Variants in TAFA5 observed in about 807,000 individuals in gnomAD.
The protein encoded by TAFA5 is chemokine-like protein TAFA-5.
Under a neutral mutation model 15.3 loss-of-function variants are expected in TAFA5, and 6 were observed. The ratio of observed to expected loss-of-function variants is 0.39; its 90% confidence interval spans 0.21 to 0.77. TAFA5 has a LOEUF of 0.77. Ranked by LOEUF, TAFA5 falls within the 30% of genes least tolerant of loss-of-function variation. TAFA5 has a pLI of 0.41. For synonymous variants in TAFA5, 103 were observed against 80.7 expected (o/e 1.28, Z -1.48); for missense variants, 161 against 193.1 (o/e 0.83, Z 0.98).
At chr22:48,741,536 C>T (rs1470937384) in intron 3 of TAFA5, among the ~76,000 whole-genome samples, 1 of 152,206 alleles carries the variant, frequency 6.6e-6, no homozygotes, top group Non-Finnish European at 1.5e-5. Flanking sequence ...TAAGCACTGA[C>T]CCCCAGTCTG....
At chr22:48,561,918 C>A (rs551936490) in intron 1 of TAFA5, among the ~76,000 whole-genome samples, 1 of 152,182 alleles carries the variant, frequency 6.6e-6, no homozygotes, top group Non-Finnish European at 1.5e-5. Context: ...GGACTGGGAC[C>A]GTGGGCGGTG....
chr22:48,709,230 G>A (rs1929176982), intron 3 of TAFA5, among the ~76,000 whole-genome samples: 1 of 152,194 alleles, frequency 6.6e-6, no homozygotes, highest in Admixed American at 6.5e-5. Flanking sequence ...AGGAGATGAG[G>A]GACGTGGGTT....
chr22:48,694,787 C>G (rs1187411259), intron 2 of TAFA5, among the ~76,000 whole-genome samples: 2 of 127,566 alleles, frequency 1.6e-5, no homozygotes, highest in South Asian at 3.4e-4. Context: ...TCCCCCACCC[C>G]CCACCGCTCC....
intron 1 of TAFA5, among the ~76,000 whole-genome samples, chr22:48,622,059 G>A (rs549010190): frequency 1.3e-5 from 2 of 152,194 alleles, no homozygotes; most frequent in South Asian, 4.2e-4. Flanking sequence ...ACTTCTCACG[G>A]CAGTGCAACC....
chr22:48,534,572 C>T (rs1922085956), intron 1 of TAFA5, among the ~76,000 whole-genome samples: 1 of 152,170 alleles, frequency 6.6e-6, no homozygotes, highest in Non-Finnish European at 1.5e-5. Flanking sequence ...GCCCACAGGG[C>T]CCTGGAATGT....
intron 1 of TAFA5, among the ~76,000 whole-genome samples, chr22:48,595,281 C>T (rs1288325975): frequency 6.6e-6 from 1 of 152,248 alleles, no homozygotes; most frequent in African/African-American, 2.4e-5. Flanking sequence ...CAACCTCAAA[C>T]TTCAGGGAGA....
chr22:48,496,205 T>C (rs1215644171), intron 1 of TAFA5, among the ~76,000 whole-genome samples: 2 of 152,114 alleles, frequency 1.3e-5, no homozygotes, highest in African/African-American at 4.8e-5. Flanking sequence ...ACTGTCGGGG[T>C]CACTTTCTTC....
At chr22:48,650,154 A>C (rs1927001865) in intron 2 of TAFA5, among the ~76,000 whole-genome samples, 1 of 152,132 alleles carries the variant, frequency 6.6e-6, no homozygotes, top group Admixed American at 6.5e-5. Context: ...TGAAGAGAAA[A>C]CTTGTGCTGT....
chr22:48,584,001 TATAACACACCAC>T (rs1569035332), intron 1 of TAFA5, among the ~76,000 whole-genome samples: 1 of 107,162 alleles, frequency 9.3e-6, no homozygotes, highest in Non-Finnish European at 1.9e-5. Context: ...TACCCACACA[TATAACACACCAC>T]ACACCACACG....
chr22:48,719,578 C>T (rs1023419594), intron 3 of TAFA5, among the ~76,000 whole-genome samples: 2 of 83,232 alleles, frequency 2.4e-5, no homozygotes, highest in Admixed American at 3.1e-4. Flanking sequence ...TCAGGACTGC[C>T]CCCCCTGCAT....
At chr22:48,606,816 C>T (rs529580175) in intron 1 of TAFA5, among the ~76,000 whole-genome samples, 20 of 152,294 alleles carry the variant, frequency 1.3e-4, no homozygotes, top group African/African-American at 4.6e-4. Context: ...GGGCCTAGGG[C>T]GCTCTGATGA....
At chr22:48,582,055 G>A (rs924077494) in intron 1 of TAFA5, among the ~76,000 whole-genome samples, 20 of 152,140 alleles carry the variant, frequency 1.3e-4, no homozygotes, top group African/African-American at 3.6e-4. Context: ...CATGGGACCC[G>A]GTAGCCTTTG....
chr22:48,744,460 C>T (rs1335981763), intron 3 of TAFA5, among the ~76,000 whole-genome samples: 1 of 152,136 alleles, frequency 6.6e-6, no homozygotes, highest in African/African-American at 2.4e-5. Flanking sequence ...ACCTGGTGGC[C>T]CTCCCCAGGC....
intron 1 of TAFA5, among the ~76,000 whole-genome samples, chr22:48,619,442 G>T (rs558282468): frequency 6.6e-6 from 1 of 152,298 alleles, no homozygotes; most frequent in East Asian, 1.9e-4. Flanking sequence ...TGCAACCTCC[G>T]CCTCCCAGGT....
chr22:48,518,862 CTT>C (rs1921508549), intron 1 of TAFA5, among the ~76,000 whole-genome samples: 1 of 152,212 alleles, frequency 6.6e-6, no homozygotes, highest in Admixed American at 6.5e-5. Context: ...GAGAACGGTA[CTT>C]TTCACTCACC....
intron 1 of TAFA5, among the ~76,000 whole-genome samples, chr22:48,610,223 C>T (rs767637091): frequency 3.9e-5 from 6 of 152,026 alleles, no homozygotes; most frequent in Non-Finnish European, 8.8e-5. Flanking sequence ...GCTGCAGGCA[C>T]GTTCCTGAGG....
At chr22:48,717,594 A>G (rs1227870020) in intron 3 of TAFA5, among the ~76,000 whole-genome samples, 1 of 152,252 alleles carries the variant, frequency 6.6e-6, no homozygotes, top group Non-Finnish European at 1.5e-5. Context: ...GGAACGTTGG[A>G]GAGCTGTGGC....
At chr22:48,673,408 C>CTCG (rs1263139157) in intron 2 of TAFA5, among the ~76,000 whole-genome samples, 1 of 152,198 alleles carries the variant, frequency 6.6e-6, no homozygotes, top group African/African-American at 2.4e-5. Context: ...TCCTGCCTGT[C>CTCG]TCGTCGCTTT....
At chr22:48,583,391 A>C (rs1924171338) in intron 1 of TAFA5, among the ~76,000 whole-genome samples, 1 of 149,564 alleles carries the variant, frequency 6.7e-6, no homozygotes, top group South Asian at 2.1e-4. Flanking sequence ...TACAAAATAC[A>C]CCACACACCA....
Sources: allele counts gnomAD v4.1 joint callset (sites outside exome capture counted in the v4.1 genomes callset), GRCh38; gene constraint gnomAD v4.1.1; transcripts MANE v1.5; gene names NCBI Gene and HGNC (gene_info 2026-07-23, HGNC 2026-07-21).